ASIC2: variants seen among roughly 807,000 people sequenced by gnomAD.
The protein encoded by ASIC2 is acid-sensing ion channel 2.
A neutral mutation model predicts 57.3 loss-of-function variants in ASIC2; 25 were observed. The ratio of observed to expected loss-of-function variants is 0.44; its 90% CI spans 0.32 to 0.61. The LOEUF (loss-of-function observed/expected upper bound fraction) is 0.61. Among genes scored for constraint, ASIC2 ranks in the 20% least tolerant of loss-of-function variants. The pLI is 0.06. For synonymous variants in ASIC2, 319 were observed against 307.5 expected (o/e 1.04, Z -0.39); for missense variants, 641 against 738.1 (o/e 0.87, Z 1.52).
At chr17:33,189,299 A>G (rs1399028302) in intron 1 of ASIC2, among the ~76,000 whole-genome samples, 1 of 152,196 alleles carries the variant, frequency 6.6e-6, no homozygotes, top group Non-Finnish European at 1.5e-5. Flanking sequence ...TACAGCAACC[A>G]CTAAAACAGA....
At chr17:33,782,033 G>A (rs1434121415) in intron 1 of ASIC2, among the ~76,000 whole-genome samples, 7 of 152,152 alleles carry the variant, frequency 4.6e-5, no homozygotes, top group Non-Finnish European at 1.0e-4. Context: ...CCCACAGCAG[G>A]CAGACTGGCT....
At chr17:33,315,191 T>A (rs892388697) in intron 1 of ASIC2, among the ~76,000 whole-genome samples, 1 of 152,230 alleles carries the variant, frequency 6.6e-6, no homozygotes, top group Non-Finnish European at 1.5e-5. Context: ...CAACAGTGTC[T>A]GGTATCTAGT....
At chr17:33,711,128 C>T (rs561867973) in intron 1 of ASIC2, among the ~76,000 whole-genome samples, 142 of 152,164 alleles carry the variant, frequency 9.3e-4, no homozygotes, top group Middle Eastern at 3.4e-3. Context: ...TGGTTTGAAC[C>T]CTTAGAGTGG....
chr17:34,034,675 A>C (rs1483557577), intron 1 of ASIC2, among the ~76,000 whole-genome samples: 1 of 152,236 alleles, frequency 6.6e-6, no homozygotes, highest in Non-Finnish European at 1.5e-5. Flanking sequence ...CTCAGGATAC[A>C]AAATCAATGT....
At chr17:33,883,150 C>T (rs188883518) in intron 1 of ASIC2, among the ~76,000 whole-genome samples, 54 of 152,056 alleles carry the variant, frequency 3.6e-4, no homozygotes, top group Admixed American at 3.1e-3. Flanking sequence ...TGCTGAATGA[C>T]GAGTTAATGG....
chr17:34,100,331 CAG>C (rs1424426385), intron 1 of ASIC2, among the ~76,000 whole-genome samples: 1 of 151,988 alleles, frequency 6.6e-6, no homozygotes, highest in African/African-American at 2.4e-5. Context: ...AGTTTGTTAA[CAG>C]ATGCTAACGT....
At chr17:33,289,043 G>T (rs1179050463) in intron 1 of ASIC2, among the ~76,000 whole-genome samples, 1 of 152,210 alleles carries the variant, frequency 6.6e-6, no homozygotes, top group African/African-American at 2.4e-5. Context: ...GGCTTCTACA[G>T]ACAGAGGGGT....
At chr17:33,400,168 T>C (rs1910231708) in intron 1 of ASIC2, among the ~76,000 whole-genome samples, 1 of 152,180 alleles carries the variant, frequency 6.6e-6, no homozygotes, top group South Asian at 2.1e-4. Flanking sequence ...TGCAAAGTCA[T>C]CTTGAGGTAG....
chr17:33,291,372 CGCAGAGGGA>C, intron 1 of ASIC2, 27 bp downstream of exon 1: 1 of 1,563,772 alleles, frequency 6.4e-7, no homozygotes, highest in Non-Finnish European at 8.6e-7. Context: ...GGGAGTGGGG[CGCAGAGGGA>C]GCGGGTTCGC....
chr17:33,985,408 G>A (rs1055951637), intron 1 of ASIC2, among the ~76,000 whole-genome samples: 2 of 152,140 alleles, frequency 1.3e-5, no homozygotes, highest in African/African-American at 4.8e-5. Flanking sequence ...GAGTGTCCAG[G>A]GTGGGCCTGA....
intron 1 of ASIC2, among the ~76,000 whole-genome samples, chr17:33,822,365 G>A (rs765940330): frequency 3.3e-5 from 5 of 152,158 alleles, no homozygotes; most frequent in African/African-American, 1.2e-4. Flanking sequence ...TGTATTTTCC[G>A]TGAGGACCTT....
chr17:33,291,879 A>G lies in ASIC2; in HGVS notation c.237T>C (p.Ala79=), dbSNP rs1905473706. 1 of 1,606,608 alleles carries G rather than the reference A, an allele frequency of 6.2e-7. No homozygotes were observed. The highest frequency in any genetic ancestry group is 1.3e-5 in the African/African-American group (1 of 74,872). ...LRHMCAGRTA[A]GGSFQRRALW... The stretch of plus-strand genomic sequence containing the variant: ...GCGCCCGCCGCTGGAAGGAGCCCCC[A>G]GCCGCCGTGCGCCCGGCACACATGT... Residue 79 remains alanine, a synonymous_variant, in exon 1 of 10, where the codon GCT becomes GCC. Coordinates refer to ENST00000225823, the MANE Select transcript of ASIC2 (RefSeq NM_183377.2).
chr17:33,103,716 T>C (rs2092223817), intron 2 of ASIC2, among the ~76,000 whole-genome samples: 1 of 152,192 alleles, frequency 6.6e-6, no homozygotes, highest in South Asian at 2.1e-4. Context: ...TCTGCTCAGG[T>C]GTGGGTGGGG....
chr17:33,613,121 A>C (rs539801699), intron 1 of ASIC2, among the ~76,000 whole-genome samples: 37 of 152,348 alleles, frequency 2.4e-4, no homozygotes, highest in South Asian at 1.0e-3. Context: ...CTAGTGTGCG[A>C]ATATGTTGTT....
At chr17:34,099,140 GAGAGACAGAGAGAGAGAGAGAGAGAA>G (rs1309267877) in intron 1 of ASIC2, among the ~76,000 whole-genome samples, 25 of 24,846 alleles carry the variant, frequency 1.0e-3, no homozygotes, top group African/African-American at 2.3e-3. Flanking sequence ...GAGAGAGAGA[GAGAGACAGAGAGAGAGAGAGAGAGAA>G]AGAAAGAAAG....
chr17:33,566,401 GA>G (rs1439886054), intron 1 of ASIC2, among the ~76,000 whole-genome samples: 1 of 152,152 alleles, frequency 6.6e-6, no homozygotes, highest in Non-Finnish European at 1.5e-5. Flanking sequence ...AACCAGGCAG[GA>G]ACACCCAGCT....
intron 1 of ASIC2, among the ~76,000 whole-genome samples, chr17:34,024,301 A>C (rs1436630112): frequency 6.6e-6 from 1 of 152,208 alleles, no homozygotes; most frequent in African/African-American, 2.4e-5. Flanking sequence ...AGCACTACTT[A>C]GAAACTAATG....
rs540668606 is a variant in ASIC2, at chr17:33,225,452, C to G, written c.708+65956G>C. On this transcript the variant is annotated intron_variant, in intron 1 of 9. Coordinates refer to ENST00000225823, the MANE Select transcript of ASIC2 (RefSeq NM_183377.2). ...ATGTGTAAAGTGCTTAGAACAGTAC[C>G]TGGCATCTAGTCAGAAGTTAGTAAA... Among the ~76,000 whole-genome samples, 54 of 152,336 alleles carry G rather than the reference C, an allele frequency of 3.5e-4. No homozygotes were observed. In the South Asian group the frequency reaches 3.9e-3, roughly 11 times the overall value.
chr17:33,667,978 T>C (rs1320374663), intron 1 of ASIC2, among the ~76,000 whole-genome samples: 1 of 152,042 alleles, frequency 6.6e-6, no homozygotes, highest in Admixed American at 6.6e-5. Context: ...CAGACTGGAG[T>C]AGGAAAACTA....
Sources: allele counts gnomAD v4.1 joint callset (sites outside exome capture counted in the v4.1 genomes callset), GRCh38; gene constraint gnomAD v4.1.1; transcripts MANE v1.5; gene names NCBI Gene and HGNC (gene_info 2026-07-23, HGNC 2026-07-21).